The following ZRANB2 variants were observed in gnomAD, a reference collection of about 807,000 sequenced individuals.
The protein encoded by ZRANB2 is zinc finger RANBP2-type containing 2, also known as zinc finger Ran-binding domain-containing protein 2.
Under a neutral mutation model 53.4 loss-of-function variants are expected in ZRANB2, and 19 were observed. The observed-to-expected ratio is 0.36, with a 90% CI of 0.25 to 0.52. The LOEUF (loss-of-function observed/expected upper bound fraction) is 0.52, where lower values mean the gene tolerates loss of function less well. Among genes scored for constraint, ZRANB2 ranks in the 20% least tolerant of loss-of-function variants. The pLI is 0.93. For missense variants in ZRANB2, 309 were observed against 401.1 expected, an observed-to-expected ratio of 0.77 and a Z score of 1.96; for synonymous variants, 145 against 134.8, an observed-to-expected ratio of 1.08 and a Z score of -0.52.
chr1:71,072,573 T>C, intron 4 of ZRANB2, 25 bp from the exon 5 acceptor site: 1 of 1,547,582 alleles, frequency 6.5e-7, no homozygotes. Context: ...CACAAATTGT[T>C]ACCCTATGAC....
At chr1:71,069,505 ATT>A in intron 7 of ZRANB2, 143 bp from the exon 8 acceptor site, 2 of 476,206 alleles carry the variant, frequency 4.2e-6, no homozygotes, top group Non-Finnish European at 7.4e-6. Context: ...AAAACATAGT[ATT>A]TTAAATTAGA....
chr1:71,065,746 C>G, intron 9 of ZRANB2: 1 of 1,612,548 alleles, frequency 6.2e-7, no homozygotes, highest in Non-Finnish European at 8.5e-7. Context: ...TTTCACCAAT[C>G]ACCTGGCTTA....
At chr1:71,072,096 G>A (rs747358620) in intron 6 of ZRANB2, 25 bp downstream of exon 6, 3 of 1,599,786 alleles carry the variant, frequency 1.9e-6, no homozygotes, top group Admixed American at 3.5e-5. Context: ...AGACAAAAGG[G>A]AAATAGGACA....
At position 71,078,584 on chromosome 1, in the gene ZRANB2, T is replaced by C. The variant is rs755396535; in HGVS notation, c.110-19A>G. The C allele has an allele frequency of 2.5e-6, 4 of 1,612,596 alleles. No homozygotes were observed. Among genetic ancestry groups the C allele is most frequent in the South Asian group, 1.1e-5 (1 of 91,022 alleles). On this transcript the variant is annotated intron_variant, in intron 2 of 9. Transcript: ENST00000370920. ...GTTTTCTCTGAAAACAGAAAAATCATGCAATATGAACCTGGAGAAATAAAT... is the reference window on the plus strand; with the variant it reads ...GTTTTCTCTGAAAACAGAAAAATCACGCAATATGAACCTGGAGAAATAAAT...
chr1:71,072,611 G>A (rs1661618986), intron 4 of ZRANB2, 63 bp from the exon 5 acceptor site: 2 of 1,268,892 alleles, frequency 1.6e-6, no homozygotes, highest in Non-Finnish European at 2.2e-6. Context: ...AACACATCAT[G>A]CCCAAATCTC....
At chr1:71,065,904 T>G (rs1433914077) in intron 9 of ZRANB2, 10 of 1,167,528 alleles carry the variant, frequency 8.6e-6, no homozygotes, top group South Asian at 4.7e-5. Context: ...AAGAAACAAA[T>G]GCAGAGAAAC....
chr1:71,077,223 C>T (rs951409678), intron 3 of ZRANB2, among the ~76,000 whole-genome samples: 21 of 152,228 alleles, frequency 1.4e-4, no homozygotes, highest in Admixed American at 1.1e-3. Context: ...TGAGAGAGGA[C>T]ATGACACTCA....
At chr1:71,067,604 A>T (rs66461782) in intron 8 of ZRANB2, 119,519 of 408,290 alleles carry the variant, frequency 0.29, 19,557 homozygotes, top group East Asian at 0.68. Context: ...TTTTTTCTTC[A>T]CTTGTATATT....
intron 9 of ZRANB2, chr1:71,065,663 T>C (rs1661410066): frequency 6.2e-7 from 1 of 1,605,978 alleles, no homozygotes; most frequent in Non-Finnish European, 8.5e-7. Flanking sequence ...CTAGTATGAA[T>C]AAGTCAATAT....
intron 9 of ZRANB2, chr1:71,065,911 A>C (rs1661419235): frequency 1.9e-6 from 2 of 1,078,326 alleles, no homozygotes; most frequent in Non-Finnish European, 2.6e-6. Context: ...AAATGCAGAG[A>C]AACAAGACTG....
intron 4 of ZRANB2, among the ~76,000 whole-genome samples, chr1:71,075,527 C>T (rs1192463021): frequency 6.6e-6 from 1 of 151,972 alleles, no homozygotes; most frequent in Non-Finnish European, 1.5e-5. Flanking sequence ...GTTATCATGG[C>T]AAAGTTACTT....
chr1:71,066,256 T>C (rs1347059190), intron 9 of ZRANB2: 1 of 153,606 alleles, frequency 6.5e-6, no homozygotes, highest in East Asian at 1.9e-4. Flanking sequence ...CAAAAAAGAT[T>C]TGGACTGCAA....
At chr1:71,071,106 CT>C in intron 6 of ZRANB2, 110 bp from the exon 7 acceptor site, 1 of 870,116 alleles carries the variant, frequency 1.1e-6, no homozygotes, top group Non-Finnish European at 1.6e-6. Context: ...TCACAGGTAT[CT>C]CAGCAAATTA....
At position 71,065,045 on chromosome 1, in the gene ZRANB2, G is replaced by C. The variant is rs1661388984; in HGVS notation, c.*29C>G. ...AAAATATGCTTCATGCACTGTACTG[G>C]ATTTTTTTAAGATGTAAATTTTAAT... On this transcript the variant is annotated 3_prime_UTR_variant, in exon 10 of 10. Coordinates refer to ENST00000370920, the MANE Select transcript of ZRANB2 (RefSeq NM_203350.3). 1 of 1,546,930 alleles carries C rather than the reference G, an allele frequency of 6.5e-7. No individual in the cohort carries two copies. Among genetic ancestry groups the C allele is most frequent in the Non-Finnish European group, 8.9e-7 (1 of 1,126,936 alleles).
intron 7 of ZRANB2, among the ~76,000 whole-genome samples, chr1:71,069,927 T>C (rs1027247222): frequency 6.6e-6 from 1 of 152,148 alleles, no homozygotes; most frequent in Non-Finnish European, 1.5e-5. Flanking sequence ...CGTACAAATT[T>C]TAAAACTCAC....
chr1:71,078,458 T>A lies in ZRANB2; in HGVS notation c.217A>T (p.Thr73Ser). 6.2e-7 allele frequency: 1 copy of A among 1,611,774 alleles called. No homozygotes were observed. The highest frequency in any genetic ancestry group is 8.5e-7 in the Non-Finnish European group (1 of 1,178,846). ...LFSANDWQCK[T>S]CSNVNWARRS... Reference sequence around the variant, plus strand: ...CAGACAATAATTTAAAAAACATACGTTTTACATTGCCAGTCATTAGCACTA... The same window carrying A: ...CAGACAATAATTTAAAAAACATACGATTTACATTGCCAGTCATTAGCACTA... Residue 73 changes from threonine (T) to serine (S), a missense_variant and splice_region_variant, in exon 3 of 10, where the codon ACT (threonine) becomes TCT (serine). Thr to Ser is a moderately conservative substitution (Grantham distance 58, BLOSUM62 1). Around this residue, in one of 3 missense-constraint regions of ZRANB2, gnomAD observed 74 missense variants for 180.1 expected, o/e 0.41. Transcript: ENST00000370920.
At chr1:71,075,270 T>C (rs1281396194) in intron 4 of ZRANB2, among the ~76,000 whole-genome samples, 1 of 152,114 alleles carries the variant, frequency 6.6e-6, no homozygotes, top group Non-Finnish European at 1.5e-5. Flanking sequence ...AAAGAATTTT[T>C]GGGGTATGGG....
intron 9 of ZRANB2, chr1:71,065,823 T>A (rs1264261996): frequency 6.3e-7 from 1 of 1,585,766 alleles, no homozygotes; most frequent in African/African-American, 1.4e-5. Flanking sequence ...GTGGCTAAGA[T>A]AAAAATTTGC....
chr1:71,065,802 G>T, intron 9 of ZRANB2: 1 of 1,606,366 alleles, frequency 6.2e-7, no homozygotes, highest in South Asian at 1.1e-5. Context: ...AACAAACTAG[G>T]GGGATTATAT....
Sources: allele counts gnomAD v4.1 joint callset (sites outside exome capture counted in the v4.1 genomes callset), GRCh38; gene constraint gnomAD v4.1.1; regional missense constraint gnomAD v4.1.1; transcripts MANE v1.5; gene names NCBI Gene and HGNC (gene_info 2026-07-23, HGNC 2026-07-21).